Variants in CLCA4 observed in about 807,000 individuals in gnomAD.
CLCA4 encodes calcium-activated chloride channel regulator 4.
In CLCA4, 69 loss-of-function variants were observed where a neutral mutation model predicts 78.9. That is an observed-to-expected ratio of 0.87 (90% CI 0.72 to 1.07). The LOEUF is 1.07. Ranked by LOEUF, CLCA4 falls within the 50% of genes least tolerant of loss-of-function variation. The pLI, the probability that CLCA4 is intolerant of heterozygous loss-of-function variation, is 0.00. For synonymous variants in CLCA4, 362 were observed against 375.8 expected, an observed-to-expected ratio of 0.96 and a Z score of 0.42; for missense variants, 1,133 against 1,095.8, an observed-to-expected ratio of 1.03 and a Z score of -0.48.
In CLCA4 at chr1:86,563,652, T is replaced by C; in HGVS notation, c.449-9T>C. The C allele has an allele frequency of 6.8e-7, 1 of 1,474,626 alleles. No homozygotes were observed. Among genetic ancestry groups the C allele is most frequent in the Non-Finnish European group, 9.3e-7 (1 of 1,079,984 alleles). The allele number at this position is 1,474,626 out of a possible 1,614,324, so 91.3% of individuals were successfully genotyped here. On this transcript the variant is annotated splice_polypyrimidine_tract_variant and intron_variant, in intron 3 of 13. Transcript: ENST00000370563. ...ATTATGATCATGTATTTGAAATGCT[T>C]TCCCACAGGCAAACTGTTTGTCCAT...
chr1:86,548,675 C>T (rs1290323849), intron 1 of CLCA4, among the ~76,000 whole-genome samples: 1 of 116,798 alleles, frequency 8.6e-6, no homozygotes, highest in African/African-American at 3.5e-5. Flanking sequence ...GAGCAAGACT[C>T]CCTCTCTGGA....
intron 1 of CLCA4, 134 bp from the exon 2 acceptor site, chr1:86,559,798 T>C (rs1649958685): frequency 2.9e-6 from 2 of 682,620 alleles, no homozygotes; most frequent in African/African-American, 3.7e-5. Flanking sequence ...GTTAGAATAA[T>C]GAGACAGAGA....
chr1:86,561,357 TTTCA>T (rs1650010372), intron 3 of CLCA4, among the ~76,000 whole-genome samples: 1 of 152,228 alleles, frequency 6.6e-6, no homozygotes, highest in Non-Finnish European at 1.5e-5. Context: ...TATCCTTATG[TTTCA>T]TTCAATTTAC....
chr1:86,574,894 G>T, intron 10 of CLCA4, 139 bp downstream of exon 10: 1 of 661,418 alleles, frequency 1.5e-6, no homozygotes. Context: ...CCATGCCTGT[G>T]TCCTTAAAAC....
chr1:86,571,019 T>G, intron 7 of CLCA4, 58 bp from the exon 8 acceptor site: 1 of 1,283,998 alleles, frequency 7.8e-7, no homozygotes, highest in Non-Finnish European at 1.1e-6. Flanking sequence ...TCATTTCCCA[T>G]TTGTCTATTT....
chr1:86,552,746 C>G (rs976086577), intron 1 of CLCA4: 11 of 1,436,742 alleles, frequency 7.7e-6, no homozygotes, highest in Non-Finnish European at 9.8e-6. Context: ...CCCGGCACCC[C>G]CATCATGCCT....
chr1:86,553,211 C>T, intron 1 of CLCA4: 1 of 1,173,064 alleles, frequency 8.5e-7, no homozygotes, highest in Non-Finnish European at 1.3e-6. Flanking sequence ...AAAGCTGCAG[C>T]TTCACCAGGG....
At chr1:86,556,547 G>C (rs1006546662) in intron 1 of CLCA4, among the ~76,000 whole-genome samples, 14 of 152,118 alleles carry the variant, frequency 9.2e-5, no homozygotes, top group African/African-American at 3.4e-4. Flanking sequence ...ACTTGATCAT[G>C]GTGGATTTGC....
At chr1:86,574,501 G>C in intron 9 of CLCA4, 39 bp from the exon 10 acceptor site, 1 of 1,477,352 alleles carries the variant, frequency 6.8e-7, no homozygotes, top group Non-Finnish European at 9.4e-7. Context: ...TAAAATTACT[G>C]TCTTCTGCAG....
At chr1:86,547,614 C>T (rs1649540379) in intron 1 of CLCA4, among the ~76,000 whole-genome samples, 1 of 152,104 alleles carries the variant, frequency 6.6e-6, no homozygotes. Flanking sequence ...TCTTCATTTC[C>T]TTTCTCTCCC....
intron 8 of CLCA4, 197 bp downstream of exon 8, chr1:86,571,451 A>T: frequency 2.0e-6 from 1 of 496,020 alleles, no homozygotes; most frequent in East Asian, 3.0e-5. Flanking sequence ...ACATAATCAG[A>T]TAGCATTCCT....
rs529243208 is a variant in CLCA4 at position 86,568,960 on chromosome 1, C to T, written c.1182+1309C>T. On this transcript the variant is annotated intron_variant, in intron 7 of 13. Transcript: ENST00000370563. The stretch of plus-strand genomic sequence containing the variant: ...TGACCCTAAACATGATTCTTATCCT[C>T]TCTAGTCCTCAATTACCTCATCAGT... Among the ~76,000 whole-genome samples, 5 of 152,156 alleles carry T rather than the reference C, an allele frequency of 3.3e-5. No individual in the cohort carries two copies. In the South Asian group the frequency reaches 1.0e-3, roughly 32 times the overall value.
intron 1 of CLCA4, chr1:86,553,180 TG>T: frequency 8.8e-7 from 1 of 1,137,786 alleles, no homozygotes; most frequent in Non-Finnish European, 1.3e-6. Context: ...CGGCACAGGT[TG>T]GGCTCCACAA....
At chr1:86,553,246 G>A in intron 1 of CLCA4, 1 of 973,414 alleles carries the variant, frequency 1.0e-6, no homozygotes. Context: ...GACTGCCGCT[G>A]CAAGCTGTAC....
intron 3 of CLCA4, among the ~76,000 whole-genome samples, chr1:86,562,123 G>C (rs1558186868): frequency 6.6e-6 from 1 of 152,104 alleles, no homozygotes; most frequent in Non-Finnish European, 1.5e-5. Context: ...AGAGAGAAAT[G>C]TTACTAGAAA....
At chr1:86,570,351 G>C (rs1026203637) in intron 7 of CLCA4, among the ~76,000 whole-genome samples, 7 of 151,796 alleles carry the variant, frequency 4.6e-5, no homozygotes, top group Non-Finnish European at 7.4e-5. Context: ...TGTCATCCTG[G>C]GCTAACTTCT....
At position 86,571,113 on chromosome 1, in the gene CLCA4, G is replaced by A; in HGVS notation, c.1219G>A (p.Glu407Lys). 9.9e-6 allele frequency: 16 copies of A among 1,612,464 alleles called. No homozygotes were observed. The highest frequency in any genetic ancestry group is 1.2e-5 in the Non-Finnish European group (14 of 1,178,816). The part of the protein sequence containing the change: ...GELHSQLDGS[E>K]VLLLTDGEDN... ...GCTACATTCCCAACTCGATGGATCC[G>A]AAGTACTGCTGCTGACTGATGGGGA... The change falls in exon 8 of 14, where the codon GAA (glutamate) becomes AAA (lysine). Residue 407 changes from glutamate to lysine, a missense_variant. Glu to Lys is a moderately conservative substitution (Grantham distance 56). Coordinates refer to ENST00000370563, the MANE Select transcript of CLCA4 (RefSeq NM_012128.4).
chr1:86,578,105 T>C (rs1310191920), intron 12 of CLCA4, 33 bp downstream of exon 12: 24 of 1,571,104 alleles, frequency 1.5e-5, no homozygotes, highest in African/African-American at 2.7e-5. Context: ...AATCCAGTGA[T>C]AGTTTGAACA....
In CLCA4 at chr1:86,563,701, A is replaced by C; in HGVS notation, c.489A>C (p.Gly163=). The change falls in exon 4 of 14, where the codon GGA becomes GGC. Residue 163 remains glycine (G), a synonymous_variant. Transcript: ENST00000370563. The part of the protein sequence containing the change: ...FVHEWAHLRW[G]VFDEYNEDQP... ...ATGAGTGGGCTCACCTCCGGTGGGG[A>C]GTGTTTGATGAGTACAATGAAGATC... 1 of 1,605,006 alleles carries C rather than the reference A, an allele frequency of 6.2e-7. No homozygotes were observed. Among genetic ancestry groups the C allele is most frequent in the Non-Finnish European group, 8.5e-7 (1 of 1,175,222 alleles).
Sources: allele counts gnomAD v4.1 joint callset (sites outside exome capture counted in the v4.1 genomes callset), GRCh38; gene constraint gnomAD v4.1.1; transcripts MANE v1.5; gene names NCBI Gene and HGNC (gene_info 2026-07-23, HGNC 2026-07-21).